C6: variants seen among roughly 807,000 people sequenced by gnomAD.
C6 encodes complement C6, also known as complement component C6.
A neutral mutation model predicts 112.9 loss-of-function variants in C6; 101 were observed. That is an observed-to-expected ratio of 0.89 (90% confidence interval 0.76 to 1.06). The LOEUF is 1.06. Ranked by LOEUF, C6 falls within the 50% of genes least tolerant of loss-of-function variation. The pLI is 0.00. For missense variants in C6, 1,202 were observed against 1,104.6 expected (o/e 1.09, Z -1.25); for synonymous variants, 431 against 384.1 (o/e 1.12, Z -1.43).
chr5:41,198,020 T>A (rs1750737831), intron 4 of C6, among the ~76,000 whole-genome samples: 1 of 152,166 alleles, frequency 6.6e-6, no homozygotes, highest in African/African-American at 2.4e-5. Context: ...GCAATAGTAT[T>A]ATTTTTTAAA....
chr5:41,202,409 A>C (rs1490257596), intron 2 of C6, among the ~76,000 whole-genome samples: 1 of 152,158 alleles, frequency 6.6e-6, no homozygotes, highest in Non-Finnish European at 1.5e-5. Flanking sequence ...TATATAGTAG[A>C]TGGTTTATTG....
intron 1 of C6, among the ~76,000 whole-genome samples, chr5:41,231,932 C>T (rs764703372): frequency 2.0e-5 from 3 of 151,186 alleles, no homozygotes; most frequent in Non-Finnish European, 4.4e-5. Flanking sequence ...ACAAATAATA[C>T]TGCTTTACTC....
At chr5:41,235,582 GTA>G (rs1217059201) in intron 1 of C6, among the ~76,000 whole-genome samples, 2 of 144,166 alleles carry the variant, frequency 1.4e-5, no homozygotes, top group African/African-American at 5.3e-5. Context: ...AGTCCTTTGG[GTA>G]TATACTCAGT....
intron 9 of C6, among the ~76,000 whole-genome samples, chr5:41,168,067 C>T (rs899601726): frequency 2.0e-5 from 3 of 152,082 alleles, no homozygotes; most frequent in African/African-American, 7.2e-5. Context: ...TTTACACAAT[C>T]ATAACTGAAA....
At chr5:41,151,535 A>G (rs1375163676) in intron 15 of C6, among the ~76,000 whole-genome samples, 1 of 152,202 alleles carries the variant, frequency 6.6e-6, no homozygotes. Flanking sequence ...ACGTAGATAT[A>G]TAGGAATTTA....
At chr5:41,222,062 A>T (rs1739204770) in intron 1 of C6, among the ~76,000 whole-genome samples, 2 of 151,648 alleles carry the variant, frequency 1.3e-5, no homozygotes, top group Admixed American at 1.3e-4. Context: ...GTTACTTGGG[A>T]GGCTGAGGCA....
chr5:41,166,312 T>C (rs1747970514), intron 9 of C6, among the ~76,000 whole-genome samples: 1 of 152,146 alleles, frequency 6.6e-6, no homozygotes, highest in South Asian at 2.1e-4. Flanking sequence ...CACAAATTTA[T>C]GCTCAAGCTA....
intron 1 of C6, among the ~76,000 whole-genome samples, chr5:41,257,399 A>G (rs1008688573): frequency 6.6e-6 from 1 of 151,926 alleles, no homozygotes; most frequent in Non-Finnish European, 1.5e-5. Flanking sequence ...TGTATACCAC[A>G]TTTTCTTTAT....
rs1365307119 is a variant in C6 at position 41,181,636 on chromosome 5, G to GATTT, written c.727-81_727-78dup. 31 of 1,202,436 alleles carry GATTT rather than the reference G, an allele frequency of 2.6e-5. No individual in the cohort carries two copies. The South Asian group carries it at 3.9e-4, about 15-fold the overall frequency. The allele number at this position is 1,202,436 out of a possible 1,614,324, so 74.5% of individuals were successfully genotyped here. On this transcript the variant is annotated intron_variant, in intron 6 of 17. Transcript: ENST00000337836. ...ACTTGTGGATATCTAATGAAATGAT[G>GATTT]ATTTATTTATTTATGCACTCAGCCA...
At chr5:41,188,319 C>T (rs1261111994) in intron 5 of C6, among the ~76,000 whole-genome samples, 4 of 151,940 alleles carry the variant, frequency 2.6e-5, no homozygotes, top group South Asian at 2.1e-4. Flanking sequence ...CCAAGAGAAT[C>T]GTGAGAAAGA....
chr5:41,249,910 G>T (rs146454018), intron 1 of C6, among the ~76,000 whole-genome samples: 66 of 152,210 alleles, frequency 4.3e-4, no homozygotes, highest in Non-Finnish European at 8.1e-4. Flanking sequence ...TTTAAAAAAA[G>T]AAAAAGAAAG....
At chr5:41,185,268 A>G (rs979195356) in intron 6 of C6, among the ~76,000 whole-genome samples, 3 of 152,212 alleles carry the variant, frequency 2.0e-5, no homozygotes, top group Non-Finnish European at 4.4e-5. Flanking sequence ...TTGAATTGGA[A>G]AATGCCTGTA....
chr5:41,194,232 G>A (rs1287437505), intron 5 of C6, among the ~76,000 whole-genome samples: 4 of 152,178 alleles, frequency 2.6e-5, no homozygotes, highest in Non-Finnish European at 5.9e-5. Context: ...TGTTGTTGAA[G>A]CACTTTCATC....
chr5:41,164,534 C>T (rs952552686), intron 9 of C6, among the ~76,000 whole-genome samples: 1 of 152,132 alleles, frequency 6.6e-6, no homozygotes, highest in Non-Finnish European at 1.5e-5. Context: ...GGAAATTAGA[C>T]TTCATTCTTC....
chr5:41,187,699 T>TAAACAC (rs747816645), intron 5 of C6, among the ~76,000 whole-genome samples: 3 of 123,230 alleles, frequency 2.4e-5, no homozygotes, highest in Admixed American at 7.5e-5. Context: ...GACACACACA[T>TAAACAC]ACACACACAC....
chr5:41,142,797 C>CATTGTGCTGGGCCTAGCAGTA lies in C6; in HGVS notation c.*7_*27dup. On this transcript the variant is annotated 3_prime_UTR_variant, in exon 18 of 18. Transcript: ENST00000337836. Reference sequence around the variant, plus strand: ...GGTTCTTCGGGATGGTAAATCTGTTCATTGTGCTGGGCCTAGCAGTAATTG... The same window carrying CATTGTGCTGGGCCTAGCAGTA: ...GGTTCTTCGGGATGGTAAATCTGTTCATTGTGCTGGGCCTAGCAGTAATTGTGCTGGGCCTAGCAGTAATTG... 1.3e-6 allele frequency: 2 copies of CATTGTGCTGGGCCTAGCAGTA among 1,570,336 alleles called. No individual in the cohort carries two copies. Among genetic ancestry groups the CATTGTGCTGGGCCTAGCAGTA allele is most frequent in the Non-Finnish European group, 1.8e-6 (2 of 1,140,618 alleles).
chr5:41,154,060 A>C, intron 14 of C6, 62 bp from the exon 15 acceptor site: 1 of 1,446,702 alleles, frequency 6.9e-7, no homozygotes. Flanking sequence ...AATTTAGGCA[A>C]ATTTTGTGCA....
chr5:41,158,631 G>A (rs1747150852), intron 13 of C6, 43 bp downstream of exon 13: 1 of 1,088,832 alleles, frequency 9.2e-7, no homozygotes, highest in South Asian at 1.2e-5. Context: ...ACTTTTCGAG[G>A]TTTTTAAAAC....
intron 1 of C6, among the ~76,000 whole-genome samples, chr5:41,235,438 G>T (rs1209896452): frequency 2.1e-5 from 3 of 141,928 alleles, no homozygotes; most frequent in Non-Finnish European, 3.1e-5. Flanking sequence ...AGTATTCCAT[G>T]GTGTATATGT....
Sources: allele counts gnomAD v4.1 joint callset (sites outside exome capture counted in the v4.1 genomes callset), GRCh38; gene constraint gnomAD v4.1.1; transcripts MANE v1.5; gene names NCBI Gene and HGNC (gene_info 2026-07-23, HGNC 2026-07-21).